The following ELOVL6 variants were observed in gnomAD, a reference collection of about 807,000 sequenced individuals.
The protein encoded by ELOVL6 is very long chain fatty acid elongase 6.
A neutral mutation model predicts 31.7 loss-of-function variants in ELOVL6; 8 were observed. The observed-to-expected ratio is 0.25, with a 90% CI of 0.15 to 0.45. ELOVL6 has a LOEUF of 0.45. Among genes scored for constraint, ELOVL6 ranks in the 20% least tolerant of loss-of-function variants. The probability of loss-of-function intolerance (pLI) is 1.00; values close to 1 mark genes in which losing one functional copy is unlikely to be tolerated. For synonymous variants in ELOVL6, 101 were observed against 117.7 expected (o/e 0.86, Z 0.92); for missense variants, 126 against 326.4 (o/e 0.39, Z 4.73).
At chr4:110,178,787 AG>A (rs1337194375) in intron 1 of ELOVL6, among the ~76,000 whole-genome samples, 2 of 152,172 alleles carry the variant, frequency 1.3e-5, no homozygotes, top group Non-Finnish European at 2.9e-5. Context: ...CAGAAGACTG[AG>A]GCTGCAGCAG....
At position 110,135,772 on chromosome 4, in the gene ELOVL6, C is replaced by A. The variant is rs1014750211; in HGVS notation, c.90-30144G>T. ...AGCAATGGTCTGATCCAGTGCCAGG[C>A]ACCACAGACAACTTGGTGTTCAGAG... is the stretch of plus-strand genomic sequence containing the variant. On this transcript the variant is annotated intron_variant, in intron 1 of 3. Coordinates refer to ENST00000302274, the MANE Select transcript of ELOVL6 (RefSeq NM_024090.3). Among the ~76,000 whole-genome samples the A allele has an allele frequency of 2.0e-5, 3 of 152,264 alleles. No individual in the cohort carries two copies. In the East Asian group the frequency reaches 5.8e-4, roughly 29 times the overall value.
Position 110,046,390 on chromosome 4 carries a change from C to T in ELOVL6, c.*4948G>A, listed in dbSNP as rs982396673. On this transcript the variant is annotated 3_prime_UTR_variant, in exon 4 of 4. Transcript: ENST00000302274. Reference sequence around the variant, plus strand: ...AATATATTTTACTGTGAGACTTCTGCCTGCCCAGCCTAAAATCAAAGTGCC... The same window carrying T: ...AATATATTTTACTGTGAGACTTCTGTCTGCCCAGCCTAAAATCAAAGTGCC... The T allele has an allele frequency of 3.3e-5, 5 of 152,176 alleles. No homozygotes were observed. The highest frequency in any genetic ancestry group is 1.2e-4 in the African/African-American group (5 of 41,422). 9.4% of individuals were successfully genotyped at this position (152,176 alleles called of 1,614,324 possible). A position where few individuals can be genotyped will look rare whatever the true frequency, so the allele number is the denominator to read the frequency against.
chr4:110,068,484 C>T (rs998448731), intron 2 of ELOVL6, among the ~76,000 whole-genome samples: 8 of 152,170 alleles, frequency 5.3e-5, no homozygotes, highest in Non-Finnish European at 8.8e-5. Context: ...ACCAATCCCC[C>T]TGATAAGTCA....
chr4:110,084,193 C>CTTATATGATATATATATCATATAAG (rs1756070656), intron 2 of ELOVL6, among the ~76,000 whole-genome samples: 1 of 42,872 alleles, frequency 2.3e-5, no homozygotes, highest in East Asian at 1.3e-3. Flanking sequence ...TAACATATAA[C>CTTATATGATATATATATCATATAAG]TTATATGATA....
chr4:110,069,355 C>T (rs1755402519), intron 2 of ELOVL6, among the ~76,000 whole-genome samples: 2 of 150,854 alleles, frequency 1.3e-5, no homozygotes, highest in Admixed American at 6.6e-5. Flanking sequence ...AAGACTTCAT[C>T]TCCTTGGCAC....
intron 1 of ELOVL6, among the ~76,000 whole-genome samples, chr4:110,172,653 CCTT>C (rs1410518364): frequency 2.6e-5 from 4 of 152,098 alleles, no homozygotes; most frequent in African/African-American, 9.7e-5. Context: ...AAGTGAATAC[CCTT>C]CTTCTTAAGA....
intron 2 of ELOVL6, among the ~76,000 whole-genome samples, chr4:110,096,647 T>C (rs1014908540): frequency 1.3e-5 from 2 of 152,148 alleles, no homozygotes; most frequent in African/African-American, 4.8e-5. Flanking sequence ...TTACTTGAGC[T>C]GTCTCTGATG....
chr4:110,117,903 A>AAAAAAAAAAAAAATAT, intron 1 of ELOVL6: 1 of 6,506 alleles, frequency 1.5e-4, no homozygotes, highest in African/African-American at 3.3e-4. Context: ...AAAAAAAAAA[A>AAAAAAAAAAAAAATAT]ATATATATAT....
chr4:110,097,364 T>C (rs895915320), intron 2 of ELOVL6, among the ~76,000 whole-genome samples: 1 of 149,936 alleles, frequency 6.7e-6, no homozygotes, highest in African/African-American at 2.5e-5. Flanking sequence ...AGACTAGACA[T>C]TGTTATCTCC....
intron 1 of ELOVL6, among the ~76,000 whole-genome samples, chr4:110,183,672 A>T (rs1759362018): frequency 6.6e-6 from 1 of 151,990 alleles, no homozygotes; most frequent in African/African-American, 2.4e-5. Context: ...TGTGCATACA[A>T]TTCCACCCTT....
intron 2 of ELOVL6, among the ~76,000 whole-genome samples, chr4:110,069,475 T>A (rs1025402735): frequency 6.6e-6 from 1 of 152,136 alleles, no homozygotes; most frequent in Non-Finnish European, 1.5e-5. Context: ...TGACCAGTAC[T>A]TGACTCTGTG....
At chr4:110,063,453 C>T (rs1175829994) in intron 2 of ELOVL6, among the ~76,000 whole-genome samples, 2 of 151,512 alleles carry the variant, frequency 1.3e-5, no homozygotes, top group Non-Finnish European at 2.9e-5. Context: ...CTCAGTCCCC[C>T]AGTTCCTGAT....
intron 1 of ELOVL6, among the ~76,000 whole-genome samples, chr4:110,196,712 C>G (rs1169818228): frequency 6.6e-6 from 1 of 152,116 alleles, no homozygotes; most frequent in Non-Finnish European, 1.5e-5. Flanking sequence ...AGACGCGGCC[C>G]TTGGGCCCCT....
At position 110,090,608 on chromosome 4, in the gene ELOVL6, T is replaced by TTTTTTTGTTTTTTTTG. The variant is rs1560819030; in HGVS notation, c.221+14888_221+14889insCAAAAAAAACAAAAAA. Among the ~76,000 whole-genome samples, 181 of 141,900 alleles carry TTTTTTTGTTTTTTTTG rather than the reference T, an allele frequency of 1.3e-3. 5 individuals are homozygous for TTTTTTTGTTTTTTTTG. Among genetic ancestry groups the TTTTTTTGTTTTTTTTG allele is most frequent in the Middle Eastern group, 3.6e-3 (1 of 280 alleles). 93.1% of individuals were successfully genotyped at this position (141,900 alleles called of 152,430 possible). A position where few individuals can be genotyped will look rare whatever the true frequency, so the allele number is the denominator to read the frequency against. On this transcript the variant is annotated intron_variant, in intron 2 of 3. Transcript: ENST00000302274. ...CAGGAAAGTTTGACTTTCTTTTTTT[T>TTTTTTTGTTTTTTTTG]TTTTTTTTTTTTCATGAGACGGAGT...
chr4:110,060,533 AAAAAT>A (rs1755107580), intron 2 of ELOVL6, among the ~76,000 whole-genome samples: 1 of 152,208 alleles, frequency 6.6e-6, no homozygotes. Flanking sequence ...AAAGTGAAGA[AAAAAT>A]AAACAATTTC....
chr4:110,060,454 G>A (rs1004022214), intron 2 of ELOVL6, among the ~76,000 whole-genome samples: 5 of 152,112 alleles, frequency 3.3e-5, no homozygotes, highest in East Asian at 1.9e-4. Context: ...TCAATGCCCC[G>A]CAATGTGTTT....
chr4:110,113,151 C>G (rs1014602038), intron 1 of ELOVL6, among the ~76,000 whole-genome samples: 12 of 150,268 alleles, frequency 8.0e-5, no homozygotes, highest in African/African-American at 2.7e-4. Context: ...TGGCGTGAAC[C>G]TGGGAGGCAT....
chr4:110,106,224 G>C (rs1277631175), intron 1 of ELOVL6, among the ~76,000 whole-genome samples: 1 of 152,130 alleles, frequency 6.6e-6, no homozygotes, highest in Non-Finnish European at 1.5e-5. Flanking sequence ...AGGCATGGTG[G>C]TGGGCACCTG....
At chr4:110,108,508 ACAAAG>A (rs1471105377) in intron 1 of ELOVL6, among the ~76,000 whole-genome samples, 5 of 152,224 alleles carry the variant, frequency 3.3e-5, no homozygotes, top group Non-Finnish European at 7.3e-5. Flanking sequence ...AGCTCTCTTT[ACAAAG>A]CAATTCAACA....
Sources: gnomAD v4.1 joint callset for allele counts (sites outside exome capture counted in the v4.1 genomes callset) on GRCh38, gnomAD v4.1.1 for gene constraint, MANE v1.5 for transcripts, NCBI Gene and HGNC (gene_info 2026-07-23, HGNC 2026-07-21) for gene names.